The following LRRC7 variants were observed in gnomAD, a reference collection of about 807,000 sequenced individuals.
LRRC7 encodes the protein leucine rich repeat containing 7.
A neutral mutation model predicts 175.7 loss-of-function variants in LRRC7; 23 were observed. The observed-to-expected ratio is 0.13, with a 90% CI of 0.09 to 0.19. The LOEUF is 0.19. Ranked by LOEUF, LRRC7 falls within the 10% of genes least tolerant of loss-of-function variation. LRRC7 has a pLI of 1.00. For missense variants in LRRC7, 1,354 were observed against 1,904.7 expected (o/e 0.71, Z 5.38); for synonymous variants, 685 against 680.9 (o/e 1.01, Z -0.09).
At chr1:69,921,704 G>A (rs763762554) in intron 7 of LRRC7, among the ~76,000 whole-genome samples, 21 of 152,022 alleles carry the variant, frequency 1.4e-4, no homozygotes, top group Non-Finnish European at 2.8e-4. Flanking sequence ...TGTCCCCATT[G>A]CCCACATCAT....
At chr1:70,028,547 C>A (rs558491048) in intron 18 of LRRC7, among the ~76,000 whole-genome samples, 176 bp downstream of exon 18, 6 of 151,860 alleles carry the variant, frequency 4.0e-5, no homozygotes, top group Admixed American at 2.0e-4. Flanking sequence ...AAAAATGATA[C>A]CCTCATGGCC....
At chr1:69,830,411 T>C (rs191347113) in intron 5 of LRRC7, among the ~76,000 whole-genome samples, 44 of 152,002 alleles carry the variant, frequency 2.9e-4, no homozygotes, top group Admixed American at 9.2e-4. Context: ...TTTGAATATC[T>C]TTGAATATCT....
intron 6 of LRRC7, 114 bp downstream of exon 6, chr1:69,834,983 T>C (rs1680941947): frequency 2.8e-6 from 2 of 710,794 alleles, no homozygotes; most frequent in Non-Finnish European, 4.5e-6. Flanking sequence ...TAGGCCTCAT[T>C]ATTATTCAAT....
At chr1:69,584,266 G>T (rs1185331260) in intron 1 of LRRC7, among the ~76,000 whole-genome samples, 1 of 151,960 alleles carries the variant, frequency 6.6e-6, no homozygotes, top group Non-Finnish European at 1.5e-5. Flanking sequence ...AGGTTATTTT[G>T]GGGGTCTTCT....
At chr1:69,970,350 C>T (rs1011087739) in intron 8 of LRRC7, among the ~76,000 whole-genome samples, 6 of 151,608 alleles carry the variant, frequency 4.0e-5, no homozygotes, top group Admixed American at 1.3e-4. Flanking sequence ...ACTGGTTCTT[C>T]GAAAAGATAA....
rs1055825069 is a variant in LRRC7, at chr1:69,668,669, G to A, written c.3-9712G>A. Among the ~76,000 whole-genome samples the A allele has an allele frequency of 3.9e-5, 6 of 152,190 alleles. No homozygotes were observed. In the South Asian group the frequency reaches 1.2e-3, roughly 32 times the overall value. On this transcript the variant is annotated intron_variant, in intron 1 of 26. Coordinates refer to ENST00000651989, the MANE Select transcript of LRRC7 (RefSeq NM_001370785.2). ...CTTTTGGGTATAAACCCAGTAATGG[G>A]ATTGCTGGGTCAAATGGTATTTCTG...
At chr1:69,797,476 G>T (rs1478827898) in intron 4 of LRRC7, among the ~76,000 whole-genome samples, 1 of 152,064 alleles carries the variant, frequency 6.6e-6, no homozygotes, top group South Asian at 2.1e-4. Context: ...CCAGTTCTCT[G>T]TTAATGTTAC....
At chr1:69,586,385 G>C (rs931809757) in intron 1 of LRRC7, among the ~76,000 whole-genome samples, 14 of 152,176 alleles carry the variant, frequency 9.2e-5, no homozygotes, top group Admixed American at 7.2e-4. Flanking sequence ...TTGGCAGGGG[G>C]TGGGGCAGGG....
intron 24 of LRRC7, among the ~76,000 whole-genome samples, chr1:70,078,668 T>C (rs1236459047): frequency 6.6e-6 from 1 of 152,202 alleles, no homozygotes; most frequent in Non-Finnish European, 1.5e-5. Flanking sequence ...TAGCCACTTG[T>C]CCTTGGCCAA....
chr1:70,025,852 AG>A (rs1317132293), intron 17 of LRRC7, among the ~76,000 whole-genome samples: 1 of 151,472 alleles, frequency 6.6e-6, no homozygotes, highest in African/African-American at 2.4e-5. Context: ...GTCCTCTTTC[AG>A]AAAAAGAATA....
chr1:69,830,808 T>C (rs551573299), intron 5 of LRRC7, among the ~76,000 whole-genome samples: 2 of 152,038 alleles, frequency 1.3e-5, no homozygotes, highest in South Asian at 2.1e-4. Flanking sequence ...AAAAGTTCAA[T>C]AGAAAATGTC....
intron 1 of LRRC7, among the ~76,000 whole-genome samples, chr1:69,669,404 G>T (rs531037652): frequency 3.9e-5 from 6 of 152,188 alleles, no homozygotes; most frequent in Admixed American, 6.5e-5. Flanking sequence ...TTCTCTCATG[G>T]CCTATAAACT....
chr1:70,050,078 A>C (rs1215495893), intron 22 of LRRC7, among the ~76,000 whole-genome samples: 1 of 151,520 alleles, frequency 6.6e-6, no homozygotes, highest in African/African-American at 2.4e-5. Flanking sequence ...TATTTAACTC[A>C]CTTATGTGAC....
At chr1:69,845,054 A>G (rs1682188911) in intron 7 of LRRC7, among the ~76,000 whole-genome samples, 1 of 152,074 alleles carries the variant, frequency 6.6e-6, no homozygotes, top group East Asian at 1.9e-4. Context: ...GTTTGAGACC[A>G]GCCCAGGCAA....
chr1:69,837,402 A>G (rs964715247), intron 6 of LRRC7, among the ~76,000 whole-genome samples: 4 of 151,872 alleles, frequency 2.6e-5, no homozygotes, highest in Non-Finnish European at 5.9e-5. Context: ...ACATTATCTA[A>G]TGTTCCAAAC....
intron 3 of LRRC7, 53 bp downstream of exon 3, chr1:69,760,446 C>A: frequency 6.9e-7 from 1 of 1,440,912 alleles, no homozygotes; most frequent in South Asian, 1.2e-5. Context: ...TCATAATTTT[C>A]AAATACTTTA....
intron 3 of LRRC7, among the ~76,000 whole-genome samples, chr1:69,789,251 T>C (rs1331501699): frequency 2.6e-5 from 4 of 152,106 alleles, no homozygotes; most frequent in Non-Finnish European, 2.9e-5. Flanking sequence ...AGTACCCAAA[T>C]ATTTTAAGAC....
chr1:70,078,791 TAC>T (rs1662970773), intron 24 of LRRC7, among the ~76,000 whole-genome samples: 1 of 132,798 alleles, frequency 7.5e-6, no homozygotes, highest in African/African-American at 3.4e-5. Context: ...GTTCTACATA[TAC>T]GCGCGCGCGC....
intron 1 of LRRC7, among the ~76,000 whole-genome samples, chr1:69,635,167 A>G (rs2100398686): frequency 6.6e-6 from 1 of 152,198 alleles, no homozygotes; most frequent in South Asian, 2.1e-4. Flanking sequence ...TATAAATGAG[A>G]ACATGCAGTG....
Sources: allele counts gnomAD v4.1 joint callset (sites outside exome capture counted in the v4.1 genomes callset), GRCh38; gene constraint gnomAD v4.1.1; transcripts MANE v1.5; gene names NCBI Gene and HGNC (gene_info 2026-07-23, HGNC 2026-07-21).